ANO6: variants seen among roughly 807,000 people sequenced by gnomAD.
The protein encoded by ANO6 is anoctamin 6.
A neutral mutation model predicts 117.5 loss-of-function variants in ANO6; 106 were observed. The ratio of observed to expected loss-of-function variants is 0.90; its 90% CI spans 0.77 to 1.06. ANO6 has a LOEUF of 1.06. ANO6 is among the 50% of genes least tolerant of loss of function. The pLI is 0.00. For synonymous variants in ANO6, 367 were observed against 385.1 expected (o/e 0.95, Z 0.55); for missense variants, 955 against 1,121.1 (o/e 0.85, Z 2.12).
chr12:45,367,196 G>C (rs1390133914), intron 8 of ANO6, among the ~76,000 whole-genome samples: 2 of 152,120 alleles, frequency 1.3e-5, no homozygotes, highest in Non-Finnish European at 2.9e-5. Context: ...TGGCCAGGCT[G>C]GTCTTGAACT....
chr12:45,339,926 T>C (rs978345156), intron 3 of ANO6, among the ~76,000 whole-genome samples: 4 of 152,160 alleles, frequency 2.6e-5, no homozygotes, highest in Non-Finnish European at 5.9e-5. Context: ...TAATCCCAAC[T>C]GGTTTCTACT....
At chr12:45,353,823 A>G (rs1941343064) in intron 7 of ANO6, among the ~76,000 whole-genome samples, 1 of 151,584 alleles carries the variant, frequency 6.6e-6, no homozygotes, top group Admixed American at 6.6e-5. Context: ...GCAGGGTCCT[A>G]TAAAAAAGGA....
chr12:45,246,040 T>TA (rs1449810668), intron 1 of ANO6, among the ~76,000 whole-genome samples: 1 of 152,062 alleles, frequency 6.6e-6, no homozygotes, highest in East Asian at 1.9e-4. Context: ...GTTACCGAAT[T>TA]AGATTCTGAA....
intron 1 of ANO6, among the ~76,000 whole-genome samples, chr12:45,227,079 C>A (rs1408493376): frequency 1.3e-5 from 2 of 149,588 alleles, no homozygotes; most frequent in Non-Finnish European, 3.0e-5. Flanking sequence ...ACCTCTGCCT[C>A]CTGGGTTCAA....
At chr12:45,373,645 G>C (rs981501008) in intron 9 of ANO6, among the ~76,000 whole-genome samples, 20 of 152,130 alleles carry the variant, frequency 1.3e-4, no homozygotes, top group African/African-American at 4.8e-4. Context: ...CAGAAATAAA[G>C]ATGTTCTTTG....
intron 1 of ANO6, among the ~76,000 whole-genome samples, chr12:45,290,119 T>C (rs1263747921): frequency 3.3e-5 from 5 of 152,206 alleles, no homozygotes; most frequent in Non-Finnish European, 7.3e-5. Flanking sequence ...GGCATGCTGT[T>C]CCAGACTTCA....
At chr12:45,322,059 T>G (rs1940295649) in intron 2 of ANO6, among the ~76,000 whole-genome samples, 2 of 152,134 alleles carry the variant, frequency 1.3e-5, no homozygotes, top group South Asian at 4.1e-4. Flanking sequence ...CCACCATGAC[T>G]TTTGCACCAT....
intron 1 of ANO6, among the ~76,000 whole-genome samples, chr12:45,282,502 G>A (rs377610332): frequency 3.9e-5 from 6 of 152,258 alleles, no homozygotes; most frequent in East Asian, 3.9e-4. Flanking sequence ...GTGGCCAGCC[G>A]TGTCAAAGCT....
intron 9 of ANO6, among the ~76,000 whole-genome samples, chr12:45,377,634 T>A (rs186530965): frequency 6.6e-6 from 1 of 152,336 alleles, no homozygotes; most frequent in Non-Finnish European, 1.5e-5. Context: ...CAGGGTGGGA[T>A]GATGATAAAA....
intron 1 of ANO6, 28 bp downstream of exon 1, chr12:45,216,419 C>G: frequency 6.2e-7 from 1 of 1,602,590 alleles, no homozygotes. Context: ...GCGTCCCCAC[C>G]CGAGAGCCCG....
At chr12:45,404,557 G>C (rs1942882240) in intron 15 of ANO6, among the ~76,000 whole-genome samples, 1 of 151,950 alleles carries the variant, frequency 6.6e-6, no homozygotes, top group African/African-American at 2.4e-5. Context: ...GCCTTTCCTA[G>C]CTTCTGGAGG....
At chr12:45,422,576 CT>C (rs35726842) in intron 18 of ANO6, among the ~76,000 whole-genome samples, 565 of 140,348 alleles carry the variant, frequency 4.0e-3, no homozygotes, top group African/African-American at 6.3e-3. Flanking sequence ...TCAAATATGA[CT>C]TTTTTTTTTT....
chr12:45,382,869 A>G (rs59604789), intron 10 of ANO6, among the ~76,000 whole-genome samples: 12,128 of 152,276 alleles, frequency 0.08, 771 homozygotes, highest in African/African-American at 0.17. Flanking sequence ...TCTTGCCTCG[A>G]TGTTGATGGC....
In ANO6 at chr12:45,367,744, A is replaced by G. The variant is rs1471679710; in HGVS notation, c.1055A>G (p.Asp352Gly). ...GGKIIMCPQC[D>G]RLCPFWKLNI... Reference sequence around the variant, plus strand: ...AAGATCATAATGTGTCCTCAGTGTGATAGGCTTTGTCCATTCTGGAAACTC... The same window carrying G: ...AAGATCATAATGTGTCCTCAGTGTGGTAGGCTTTGTCCATTCTGGAAACTC... The change falls in exon 9 of 20, where the codon GAT becomes GGT. Residue 352 changes from aspartate (D) to glycine (G), a missense_variant. Coordinates refer to ENST00000320560, the MANE Select transcript of ANO6 (RefSeq NM_001025356.3). 2 of 1,613,606 alleles carry G rather than the reference A, an allele frequency of 1.2e-6. No individual in the cohort carries two copies. The highest frequency in any genetic ancestry group is 1.3e-5 in the African/African-American group (1 of 74,900).
intron 2 of ANO6, among the ~76,000 whole-genome samples, chr12:45,308,048 ATTTTTTTTTTTTT>A: frequency 2.9e-5 from 2 of 69,306 alleles, no homozygotes; most frequent in Middle Eastern, 0.032. Context: ...TGTGTGTGTA[ATTTTTTTTTTTTT>A]TTTTTTTTTT....
intron 10 of ANO6, among the ~76,000 whole-genome samples, chr12:45,384,034 T>A (rs921607160): frequency 2.0e-5 from 3 of 152,260 alleles, no homozygotes; most frequent in Admixed American, 2.0e-4. Flanking sequence ...CCTTCATCAA[T>A]GATCTTAGCT....
intron 8 of ANO6, among the ~76,000 whole-genome samples, chr12:45,366,228 C>T (rs1429940451): frequency 6.9e-6 from 1 of 144,304 alleles, no homozygotes; most frequent in Non-Finnish European, 1.5e-5. Flanking sequence ...TTATATTTTT[C>T]TCCCTTTAAT....
intron 2 of ANO6, among the ~76,000 whole-genome samples, chr12:45,328,273 C>T (rs1940539551): frequency 6.6e-6 from 1 of 152,114 alleles, no homozygotes; most frequent in Non-Finnish European, 1.5e-5. Context: ...TCCAGAGTTA[C>T]TATGTTACTT....
intron 1 of ANO6, among the ~76,000 whole-genome samples, chr12:45,231,399 A>G (rs908858610): frequency 2.0e-5 from 3 of 152,226 alleles, no homozygotes; most frequent in African/African-American, 7.2e-5. Flanking sequence ...AAATGTTAGA[A>G]CTTAAACACT....
Sources: gnomAD v4.1 joint callset for allele counts (sites outside exome capture counted in the v4.1 genomes callset) on GRCh38, gnomAD v4.1.1 for gene constraint, MANE v1.5 for transcripts, NCBI Gene and HGNC (gene_info 2026-07-23, HGNC 2026-07-21) for gene names.